Variants in FHIT observed in about 807,000 individuals in gnomAD.
FHIT encodes bis(5'-adenosyl)-triphosphatase.
FHIT carries 19 observed loss-of-function variants against 17.9 expected under a neutral mutation model. That is an observed-to-expected ratio of 1.06 (90% confidence interval 0.74 to 1.56). The LOEUF is 1.56. FHIT is among the 40% of genes most tolerant of loss of function. The pLI is 0.00. For synonymous variants in FHIT, 81 were observed against 69.7 expected (o/e 1.16, Z -0.81); for missense variants, 248 against 189.2 (o/e 1.31, Z -1.82).
rs2091956 is a variant in FHIT, at chr3:60,113,994, C to G, written c.104-99842G>C. On this transcript the variant is annotated intron_variant, in intron 5 of 9. Coordinates refer to ENST00000492590, the MANE Select transcript of FHIT (RefSeq NM_002012.4). ...TCCAGCCTGGGCAATAGAACAAGAC[C>G]CCGTCTCCAAAAAAAAAAAAAAAAA... Among the ~76,000 whole-genome samples the G allele has an allele frequency of 3.2e-5, 2 of 63,288 alleles. 1 individual carries two copies. Among genetic ancestry groups the G allele is most frequent in the East Asian group, 9.7e-4 (2 of 2,056 alleles). The allele number at this position is 63,288 out of a possible 152,430, so 41.5% of individuals were successfully genotyped here. A position where few individuals can be genotyped will look rare whatever the true frequency, so the allele number is the denominator to read the frequency against.
chr3:60,497,157 G>C (rs1185754536), intron 5 of FHIT, among the ~76,000 whole-genome samples: 2 of 151,930 alleles, frequency 1.3e-5, no homozygotes, highest in Non-Finnish European at 2.9e-5. Context: ...AGGTAGAGTT[G>C]CTGCTAAACA....
At chr3:60,123,486 T>C (rs188564726) in intron 5 of FHIT, among the ~76,000 whole-genome samples, 1 of 152,304 alleles carries the variant, frequency 6.6e-6, no homozygotes, top group African/African-American at 2.4e-5. Flanking sequence ...GGAGAAGTTG[T>C]GAAAAGGCTG....
At chr3:60,268,310 T>A (rs1233221766) in intron 5 of FHIT, among the ~76,000 whole-genome samples, 2 of 152,226 alleles carry the variant, frequency 1.3e-5, no homozygotes, top group Non-Finnish European at 2.9e-5. Flanking sequence ...CACTTCTCAT[T>A]CTCAGATTAG....
intron 8 of FHIT, among the ~76,000 whole-genome samples, chr3:59,808,508 G>T (rs967507969): frequency 6.6e-6 from 1 of 152,072 alleles, no homozygotes; most frequent in East Asian, 1.9e-4. Flanking sequence ...GTCCAACCAC[G>T]TCCACTCCTT....
intron 5 of FHIT, among the ~76,000 whole-genome samples, chr3:60,320,295 C>T (rs1048858352): frequency 7.2e-5 from 11 of 151,986 alleles, no homozygotes; most frequent in African/African-American, 2.7e-4. Context: ...ATGGGGGTGG[C>T]GCAGGATAGC....
chr3:60,942,595 G>T (rs1354108974), intron 3 of FHIT, among the ~76,000 whole-genome samples: 1 of 150,030 alleles, frequency 6.7e-6, no homozygotes, highest in East Asian at 2.0e-4. Context: ...TTCTCTCTTT[G>T]TAGTTGATCA....
intron 4 of FHIT, among the ~76,000 whole-genome samples, chr3:60,561,922 GAGAA>G (rs1194289589): frequency 6.6e-6 from 1 of 151,210 alleles, no homozygotes; most frequent in East Asian, 2.0e-4. Flanking sequence ...GAGAGAAAGA[GAGAA>G]AGAAAAAGAG....
chr3:60,068,226 C>T lies in FHIT; in HGVS notation c.104-54074G>A, dbSNP rs561537870. Reference sequence around the variant, plus strand: ...CTCCAGCCTGGGCAACAGAGCGAGACTCTGCCTCAAAAAAAACAAAACAAA... The same window carrying T: ...CTCCAGCCTGGGCAACAGAGCGAGATTCTGCCTCAAAAAAAACAAAACAAA... On this transcript the variant is annotated intron_variant, in intron 5 of 9. Coordinates refer to ENST00000492590, the MANE Select transcript of FHIT (RefSeq NM_002012.4). 1.6e-4 allele frequency among the ~76,000 whole-genome samples: 25 copies of T among 152,254 alleles called. 2 individuals are homozygous for T. In the South Asian group the frequency reaches 4.6e-3, roughly 28 times the overall value.
chr3:61,137,027 T>C (rs2036934382), intron 2 of FHIT, among the ~76,000 whole-genome samples: 1 of 152,168 alleles, frequency 6.6e-6, no homozygotes, highest in South Asian at 2.1e-4. Flanking sequence ...TGTCAGAATA[T>C]AATCTTTGTA....
At chr3:60,927,565 T>C (rs925829729) in intron 3 of FHIT, among the ~76,000 whole-genome samples, 148 of 151,088 alleles carry the variant, frequency 9.8e-4, no homozygotes, top group Non-Finnish European at 6.2e-4. Context: ...CCGCCCATCA[T>C]CTGGGATGTG....
At chr3:60,191,272 C>G (rs1340002851) in intron 5 of FHIT, among the ~76,000 whole-genome samples, 2 of 152,110 alleles carry the variant, frequency 1.3e-5, no homozygotes, top group African/African-American at 4.8e-5. Context: ...TGCTTAAACA[C>G]ATGTTTTATT....
At chr3:60,777,716 AT>A (rs1189527879) in intron 4 of FHIT, among the ~76,000 whole-genome samples, 2 of 152,172 alleles carry the variant, frequency 1.3e-5, no homozygotes, top group East Asian at 1.9e-4. Context: ...AAACATTTTG[AT>A]TTTTTTCCTT....
intron 4 of FHIT, among the ~76,000 whole-genome samples, chr3:60,717,660 G>T (rs1553707111): frequency 6.6e-6 from 1 of 152,154 alleles, no homozygotes; most frequent in African/African-American, 2.4e-5. Context: ...GGTTATAGTA[G>T]AACTTTAAGT....
chr3:60,351,929 T>G (rs957814317), intron 5 of FHIT, among the ~76,000 whole-genome samples: 1 of 152,172 alleles, frequency 6.6e-6, no homozygotes, highest in Non-Finnish European at 1.5e-5. Flanking sequence ...GAAGAAGCCT[T>G]CTTTGATAAG....
intron 7 of FHIT, among the ~76,000 whole-genome samples, chr3:60,004,296 A>C (rs1699839656): frequency 6.6e-6 from 1 of 152,162 alleles, no homozygotes; most frequent in African/African-American, 2.4e-5. Flanking sequence ...TATATGTGCC[A>C]CGTGTCGGCA....
At chr3:61,104,576 TG>T (rs1424437756) in intron 2 of FHIT, among the ~76,000 whole-genome samples, 1 of 152,180 alleles carries the variant, frequency 6.6e-6, no homozygotes, top group Admixed American at 6.5e-5. Flanking sequence ...AGTATCTTAC[TG>T]GGGTTCTCTG....
chr3:60,840,499 G>A (rs1702686834), intron 3 of FHIT, among the ~76,000 whole-genome samples: 1 of 152,162 alleles, frequency 6.6e-6, no homozygotes, highest in South Asian at 2.1e-4. Context: ...TTGTGAGAAA[G>A]ATCCCTACTT....
chr3:60,804,314 C>A (rs2106680822), intron 4 of FHIT, among the ~76,000 whole-genome samples: 1 of 152,302 alleles, frequency 6.6e-6, no homozygotes. Flanking sequence ...AAATTGCCTA[C>A]TATCTTGAAA....
intron 2 of FHIT, among the ~76,000 whole-genome samples, chr3:61,094,123 A>AGTGTGT (rs146715486): frequency 0.12 from 18,427 of 150,200 alleles, 1,695 homozygotes; most frequent in African/African-American, 0.25. Context: ...AATGCAACCA[A>AGTGTGT]GTGTGTGTGT....
Sources: gnomAD v4.1 joint callset for allele counts (sites outside exome capture counted in the v4.1 genomes callset) on GRCh38, gnomAD v4.1.1 for gene constraint, MANE v1.5 for transcripts, NCBI Gene and HGNC (gene_info 2026-07-23, HGNC 2026-07-21) for gene names.